The following METTL16 variants were observed in gnomAD, a reference collection of about 807,000 sequenced individuals.
The protein encoded by METTL16 is methyltransferase 16, RNA N6-adenosine.
In METTL16, 19 loss-of-function variants were observed where a neutral mutation model predicts 57.9. The observed-to-expected ratio is 0.33, with a 90% CI of 0.23 to 0.48. The LOEUF is 0.48. Among genes scored for constraint, METTL16 ranks in the 20% least tolerant of loss-of-function variants. The pLI is 0.99. For synonymous variants in METTL16, 246 were observed against 255.6 expected (o/e 0.96, Z 0.36); for missense variants, 434 against 691.5 (o/e 0.63, Z 4.18).
intron 6 of METTL16, 86 bp from the exon 7 acceptor site, chr17:2,441,645 A>G (rs2066952857): frequency 1.4e-6 from 1 of 723,374 alleles, no homozygotes; most frequent in Non-Finnish European, 2.1e-6. Context: ...TAAGATGAGA[A>G]CAGTAACAAA....
chr17:2,433,975 G>A (rs567905930), intron 8 of METTL16, among the ~76,000 whole-genome samples: 34 of 152,212 alleles, frequency 2.2e-4, no homozygotes, highest in African/African-American at 7.9e-4. Flanking sequence ...CTGCAGATCG[G>A]GATCAATAGC....
chr17:2,502,112 A>C, intron 2 of METTL16, 92 bp downstream of exon 2: 1 of 1,359,462 alleles, frequency 7.4e-7, no homozygotes, highest in Non-Finnish European at 1.0e-6. Flanking sequence ...GTTTAATCAA[A>C]TGTCTAAGAT....
At chr17:2,497,416 G>A (rs1019938648) in intron 2 of METTL16, among the ~76,000 whole-genome samples, 3 of 146,040 alleles carry the variant, frequency 2.1e-5, no homozygotes, top group South Asian at 2.2e-4. Context: ...AAGCTCAAGC[G>A]ATTCTCGTGC....
At chr17:2,505,395 ATTTTTTTTTTTTTTTTTTTTT>A (rs564797281) in intron 1 of METTL16, among the ~76,000 whole-genome samples, 4,042 of 50,676 alleles carry the variant, frequency 0.08, 283 homozygotes, top group African/African-American at 0.24. Flanking sequence ...GCCCAGAGGC[ATTTTTTTTTTTTTTTTTTTTT>A]TTTTTTTTTT....
chr17:2,487,349 G>A (rs1234568758), intron 2 of METTL16, among the ~76,000 whole-genome samples: 1 of 152,226 alleles, frequency 6.6e-6, no homozygotes, highest in African/African-American at 2.4e-5. Flanking sequence ...AAACAAACAA[G>A]TGAAGCCCTG....
intron 3 of METTL16, among the ~76,000 whole-genome samples, chr17:2,475,638 C>T (rs2067264326): frequency 6.6e-6 from 1 of 152,230 alleles, no homozygotes; most frequent in Admixed American, 6.5e-5. Context: ...AGATTCTCTA[C>T]TAGTCCTTTA....
intron 2 of METTL16, among the ~76,000 whole-genome samples, chr17:2,496,302 A>C (rs2067444987): frequency 1.3e-5 from 2 of 151,442 alleles, no homozygotes; most frequent in Non-Finnish European, 2.9e-5. Flanking sequence ...AAATTACGTC[A>C]AACAGTGTTT....
rs117377793 is a variant in METTL16 at position 2,503,945 on chromosome 17, A to G, written c.1-1614T>C. Among the ~76,000 whole-genome samples the G allele has an allele frequency of 2.3e-3, 348 of 152,328 alleles. 2 individuals carry two copies. Among genetic ancestry groups the G allele is most frequent in the South Asian group, 4.1e-3 (20 of 4,820 alleles). On this transcript the variant is annotated intron_variant, in intron 1 of 9. Transcript: ENST00000263092. ...TCAACAAAATACGATATACCCATAC[A>G]ATACATATGATCAACAAAATATGGT... is the stretch of plus-strand genomic sequence containing the variant.
intron 2 of METTL16, among the ~76,000 whole-genome samples, chr17:2,492,004 G>A (rs2067398024): frequency 1.3e-5 from 2 of 151,160 alleles, no homozygotes; most frequent in South Asian, 2.1e-4. Flanking sequence ...GAGGTCAGGA[G>A]ATCGAGACCA....
At chr17:2,496,410 C>A (rs1567906015) in intron 2 of METTL16, among the ~76,000 whole-genome samples, 1 of 151,454 alleles carries the variant, frequency 6.6e-6, no homozygotes, top group Non-Finnish European at 1.5e-5. Flanking sequence ...ATGATCCCCC[C>A]ACCTCAGCCT....
intron 6 of METTL16, among the ~76,000 whole-genome samples, chr17:2,447,588 G>T (rs2067013260): frequency 9.0e-6 from 1 of 110,576 alleles, no homozygotes; most frequent in Non-Finnish European, 1.7e-5. Context: ...GGGGGGGTCA[G>T]CCCCCCGCCC....
In METTL16 at chr17:2,473,465, T is replaced by TA. The variant is rs1597460708; in HGVS notation, c.469+58dup. ...TAAAGAAAAAGGTAATGAAATGCGTTAAACTAAAAAGGCAGGTGAAGACAC... is the reference window on the plus strand; with the variant it reads ...TAAAGAAAAAGGTAATGAAATGCGTTAAAACTAAAAAGGCAGGTGAAGACAC... On this transcript the variant is annotated intron_variant, in intron 4 of 9. Transcript: ENST00000263092. 16 of 1,539,732 alleles carry TA rather than the reference T, an allele frequency of 1.0e-5. No homozygotes were observed. The East Asian group carries it at 3.7e-4, about 35-fold the overall frequency.
At chr17:2,450,701 A>C (rs192271829) in intron 6 of METTL16, among the ~76,000 whole-genome samples, 127 of 152,308 alleles carry the variant, frequency 8.3e-4, no homozygotes, top group Non-Finnish European at 1.6e-3. Context: ...CTAACAATAC[A>C]TATTCTGTCT....
At chr17:2,425,798 C>CA (rs1347115627) in intron 8 of METTL16, among the ~76,000 whole-genome samples, 1 of 152,034 alleles carries the variant, frequency 6.6e-6, no homozygotes, top group Non-Finnish European at 1.5e-5. Flanking sequence ...GTGATCCTCC[C>CA]ACCTCAGTCT....
At chr17:2,424,892 G>A (rs938570638) in intron 8 of METTL16, among the ~76,000 whole-genome samples, 2 of 151,760 alleles carry the variant, frequency 1.3e-5, no homozygotes, top group African/African-American at 4.8e-5. Flanking sequence ...ACCTTGCAGC[G>A]AGCAGAGATC....
chr17:2,502,454 T>C, intron 1 of METTL16, 123 bp from the exon 2 acceptor site: 1 of 809,950 alleles, frequency 1.2e-6, no homozygotes, highest in African/African-American at 1.7e-5. Flanking sequence ...GTAGATCACC[T>C]GATTCAGGAG....
intron 2 of METTL16, among the ~76,000 whole-genome samples, chr17:2,492,819 C>A (rs778064126): frequency 1.3e-5 from 2 of 150,330 alleles, no homozygotes. Context: ...ATTGCTTGAA[C>A]CCCAGGAGGC....
chr17:2,468,884 T>C (rs1283427412), intron 4 of METTL16, among the ~76,000 whole-genome samples: 1 of 151,268 alleles, frequency 6.6e-6, no homozygotes, highest in East Asian at 1.9e-4. Flanking sequence ...TGAGACCCTG[T>C]CTCTAATAAA....
chr17:2,427,110 C>A (rs2066825955), intron 8 of METTL16, among the ~76,000 whole-genome samples: 1 of 152,164 alleles, frequency 6.6e-6, no homozygotes, highest in African/African-American at 2.4e-5. Flanking sequence ...CGTGCCACAG[C>A]ACTCCAGCCT....
Sources: gnomAD v4.1 joint callset for allele counts (sites outside exome capture counted in the v4.1 genomes callset) on GRCh38, gnomAD v4.1.1 for gene constraint, MANE v1.5 for transcripts, NCBI Gene and HGNC (gene_info 2026-07-23, HGNC 2026-07-21) for gene names.